PHTF1: variants seen among roughly 807,000 people sequenced by gnomAD.
The protein encoded by PHTF1 is protein PHTF1.
PHTF1 carries 88 observed loss-of-function variants against 102.4 expected under a neutral mutation model. That is an observed-to-expected ratio of 0.86 (90% confidence interval 0.72 to 1.03). The LOEUF is 1.03. PHTF1 is among the 50% of genes least tolerant of loss of function. PHTF1 has a pLI of 0.00. For missense variants in PHTF1, 814 were observed against 909.5 expected, an observed-to-expected ratio of 0.89 and a Z score of 1.35; for synonymous variants, 289 against 305.2, an observed-to-expected ratio of 0.95 and a Z score of 0.55.
intron 18 of PHTF1, 49 bp downstream of exon 18, chr1:113,698,213 C>T (rs778899374): frequency 2.2e-6 from 3 of 1,360,300 alleles, no homozygotes; most frequent in South Asian, 1.2e-5. Flanking sequence ...GATTTCTGTA[C>T]ATAGTAATTT....
intron 3 of PHTF1, among the ~76,000 whole-genome samples, chr1:113,740,242 T>C (rs1005526029): frequency 6.6e-6 from 1 of 152,216 alleles, no homozygotes; most frequent in East Asian, 1.9e-4. Context: ...CATTTTTTTT[T>C]GTCTTTTTGA....
chr1:113,706,011 A>G lies in PHTF1; in HGVS notation c.1550T>C (p.Phe517Ser), dbSNP rs1470713790. Residue 517 changes from phenylalanine to serine, a missense_variant, in exon 13 of 19, where the codon TTT (phenylalanine) becomes TCT (serine). Coordinates refer to ENST00000369604, the MANE Select transcript of PHTF1 (RefSeq NM_001323043.2). ...SISAEEILTL[F>S]CGAPPVTPII... The stretch of plus-strand genomic sequence containing the variant: ...AGGTGTAACAGGTGGTGCCCCACAA[A>G]AGAGAGTCAAGATCTCCTCAGCTGA... 1 of 1,614,062 alleles carries G rather than the reference A, an allele frequency of 6.2e-7. No individual in the cohort carries two copies. The highest frequency in any genetic ancestry group is 8.5e-7 in the Non-Finnish European group (1 of 1,180,026).
At chr1:113,698,047 C>T (rs552857373) in intron 18 of PHTF1, among the ~76,000 whole-genome samples, 3 of 152,198 alleles carry the variant, frequency 2.0e-5, no homozygotes, top group South Asian at 4.1e-4. Context: ...TTCAAGAGCA[C>T]TGTCTGTTAT....
intron 8 of PHTF1, 65 bp downstream of exon 8, chr1:113,713,214 A>G: frequency 7.0e-7 from 1 of 1,423,344 alleles, no homozygotes; most frequent in Non-Finnish European, 9.9e-7. Context: ...TATCTCTAAC[A>G]GAATCTTAAT....
Position 113,710,480 on chromosome 1 carries a change from A to G in PHTF1, c.1048-5T>C. On this transcript the variant is annotated splice_polypyrimidine_tract_variant and splice_region_variant and intron_variant, in intron 10 of 18. Coordinates refer to ENST00000369604, the MANE Select transcript of PHTF1 (RefSeq NM_001323043.2). ...ACTCACACCCGATCTAGAGCCCTTT[A>G]AAGGAAAACAAAAAGCAAAAAATGT... 1 of 1,601,456 alleles carries G rather than the reference A, an allele frequency of 6.2e-7. No homozygotes were observed. The highest frequency in any genetic ancestry group is 8.5e-7 in the Non-Finnish European group (1 of 1,172,502).
intron 3 of PHTF1, 43 bp downstream of exon 3, chr1:113,757,656 T>G: frequency 8.0e-7 from 1 of 1,247,444 alleles, no homozygotes; most frequent in Non-Finnish European, 1.2e-6. Flanking sequence ...ACTCTTCATA[T>G]TAATGCAGTG....
At chr1:113,721,051 G>C (rs932859978) in intron 7 of PHTF1, among the ~76,000 whole-genome samples, 1 of 152,190 alleles carries the variant, frequency 6.6e-6, no homozygotes, top group African/African-American at 2.4e-5. Flanking sequence ...TTTGCAGTGA[G>C]CCAAGATCAT....
chr1:113,743,956 T>A (rs1326983542), intron 3 of PHTF1, among the ~76,000 whole-genome samples: 4 of 152,198 alleles, frequency 2.6e-5, no homozygotes, highest in Non-Finnish European at 5.9e-5. Context: ...TACACTATCC[T>A]GCCTTTCGCT....
At chr1:113,704,933 G>A in intron 13 of PHTF1, 136 bp from the exon 14 acceptor site, 1 of 655,064 alleles carries the variant, frequency 1.5e-6, no homozygotes, top group Non-Finnish European at 2.6e-6. Flanking sequence ...AAGATGGGCA[G>A]TGAAAATTTT....
chr1:113,706,824 T>G, intron 11 of PHTF1, 102 bp from the exon 12 acceptor site: 3 of 526,770 alleles, frequency 5.7e-6, no homozygotes, highest in Non-Finnish European at 1.0e-5. Context: ...AATAACCACC[T>G]CTATAATGCT....
At chr1:113,724,013 T>G (rs576513804) in intron 7 of PHTF1, among the ~76,000 whole-genome samples, 75 of 152,282 alleles carry the variant, frequency 4.9e-4, no homozygotes, top group African/African-American at 1.7e-3. Context: ...AACAGGTATG[T>G]GAAAAGGTAC....
chr1:113,726,775 T>G (rs1653908260), intron 5 of PHTF1, among the ~76,000 whole-genome samples: 1 of 152,232 alleles, frequency 6.6e-6, no homozygotes, highest in African/African-American at 2.4e-5. Context: ...AAGAATACTG[T>G]GTTAAAAGGA....
intron 11 of PHTF1, among the ~76,000 whole-genome samples, chr1:113,708,364 G>A (rs1315590994): frequency 4.6e-5 from 7 of 152,218 alleles, no homozygotes; most frequent in Non-Finnish European, 8.8e-5. Flanking sequence ...GGTGGCTCAC[G>A]CCTGTAGTCC....
Position 113,698,346 on chromosome 1 carries a change from A to T in PHTF1, c.2184T>A (p.Asn728Lys). Residue 728 changes from asparagine to lysine, a missense_variant, in exon 18 of 19, where the codon AAT (asparagine) becomes AAA (lysine). Physicochemically the swap from Asn to Lys is moderately conservative, Grantham distance 94. Transcript: ENST00000369604. ...TPFRLYGLTM[N>K]PLIYNITRVV... ...CTCTTGTGATATTGTAGATTAAGGG[A>T]TTCATTGTCAGTCCATAGAGTCTAA... is the stretch of plus-strand genomic sequence containing the variant. 1 of 1,609,618 alleles carries T rather than the reference A, an allele frequency of 6.2e-7. No homozygotes were observed. The highest frequency in any genetic ancestry group is 8.5e-7 in the Non-Finnish European group (1 of 1,176,016).
chr1:113,758,297 A>C (rs946147945), intron 2 of PHTF1, among the ~76,000 whole-genome samples: 1 of 151,728 alleles, frequency 6.6e-6, no homozygotes, highest in Non-Finnish European at 1.5e-5. Context: ...ACTAGAGAGG[A>C]ATAAAAGATA....
intron 7 of PHTF1, among the ~76,000 whole-genome samples, chr1:113,723,487 C>T (rs1653332262): frequency 1.3e-5 from 2 of 152,132 alleles, no homozygotes; most frequent in Admixed American, 1.3e-4. Flanking sequence ...CAACAGTGAA[C>T]TCAGTTTTGA....
At chr1:113,714,663 T>C (rs1651687492) in intron 7 of PHTF1, 1 of 152,220 alleles carries the variant, frequency 6.6e-6, no homozygotes, top group Non-Finnish European at 1.5e-5. Context: ...CAGGCCCTGA[T>C]AGCGTCTCTG....
At chr1:113,757,282 A>AAGG (rs1338467159) in intron 3 of PHTF1, among the ~76,000 whole-genome samples, 2 of 152,196 alleles carry the variant, frequency 1.3e-5, no homozygotes, top group South Asian at 4.1e-4. Flanking sequence ...TTGGCTTGCA[A>AAGG]AGGAGGAGGA....
intron 7 of PHTF1, among the ~76,000 whole-genome samples, chr1:113,721,334 G>A (rs1652904460): frequency 6.6e-6 from 1 of 152,090 alleles, no homozygotes. Flanking sequence ...TCAAAAATCA[G>A]GGTATAGAAG....
Sources: gnomAD v4.1 joint callset for allele counts (sites outside exome capture counted in the v4.1 genomes callset) on GRCh38, gnomAD v4.1.1 for gene constraint, MANE v1.5 for transcripts, NCBI Gene and HGNC (gene_info 2026-07-23, HGNC 2026-07-21) for gene names.